The following CFAP95 variants were observed in gnomAD, a reference collection of about 807,000 sequenced individuals.
CFAP95 encodes the protein cilia and flagella associated protein 95.
the CFAP95 span, among the ~76,000 whole-genome samples, chr9:69,841,239 T>C: frequency 6.9e-6 from 1 of 144,958 alleles, no homozygotes; most frequent in Non-Finnish European, 1.5e-5. Flanking sequence ...TCTAGAAGTA[T>C]GGGCCCTGGG....
the CFAP95 span, among the ~76,000 whole-genome samples, chr9:69,884,853 G>A: frequency 8.2e-6 from 1 of 121,216 alleles, no homozygotes; most frequent in Non-Finnish European, 1.9e-5. Context: ...TATTAGATTT[G>A]TCTTTAAAAA....
chr9:69,894,915 T>C, the CFAP95 span, among the ~76,000 whole-genome samples: 1 of 151,746 alleles, frequency 6.6e-6, no homozygotes, highest in Non-Finnish European at 1.5e-5. Flanking sequence ...TACAAAAGAT[T>C]AGTTGGGCCT....
chr9:69,887,990 G>A, the CFAP95 span, among the ~76,000 whole-genome samples: 2 of 152,150 alleles, frequency 1.3e-5, no homozygotes, highest in African/African-American at 4.8e-5. Context: ...AGAAATTGAA[G>A]CCATTATCTG....
chr9:69,860,675 T>G, the CFAP95 span, among the ~76,000 whole-genome samples: 2 of 152,018 alleles, frequency 1.3e-5, no homozygotes, highest in African/African-American at 4.8e-5. Context: ...ATTGTATAGC[T>G]GTATAAAATA....
At chr9:69,870,724 T>C in the CFAP95 span, among the ~76,000 whole-genome samples, 1 of 152,226 alleles carries the variant, frequency 6.6e-6, no homozygotes. Context: ...GAATTTGGAA[T>C]AAGTGTTGAT....
the CFAP95 span, chr9:69,906,144 G>A: frequency 2.5e-6 from 4 of 1,587,460 alleles, no homozygotes; most frequent in African/African-American, 5.4e-5. Flanking sequence ...TAAAAATAAT[G>A]TATAGAATCA....
At chr9:69,829,216 T>A in the CFAP95 span, among the ~76,000 whole-genome samples, 2 of 152,150 alleles carry the variant, frequency 1.3e-5, no homozygotes, top group East Asian at 3.8e-4. Context: ...ATATAGTAGT[T>A]TTTTGGGGAA....
the CFAP95 span, among the ~76,000 whole-genome samples, chr9:69,881,785 C>T: frequency 2.0e-5 from 3 of 152,100 alleles, no homozygotes; most frequent in African/African-American, 7.2e-5. Flanking sequence ...ATTGAGTTTT[C>T]CAAGCCATGA....
the CFAP95 span, among the ~76,000 whole-genome samples, chr9:69,894,132 C>A: frequency 5.9e-5 from 9 of 152,158 alleles, no homozygotes; most frequent in Non-Finnish European, 1.3e-4. Flanking sequence ...TCTGAAAGAT[C>A]TCAACACATG....
At chr9:69,887,614 G>A in the CFAP95 span, among the ~76,000 whole-genome samples, 3 of 152,298 alleles carry the variant, frequency 2.0e-5, no homozygotes, top group South Asian at 4.1e-4. Flanking sequence ...TCTTTAGTGA[G>A]GAAAGTTTCA....
chr9:69,852,882 ACTCT>A, the CFAP95 span, among the ~76,000 whole-genome samples: 1 of 151,728 alleles, frequency 6.6e-6, no homozygotes. Flanking sequence ...GCACAAGCAC[ACTCT>A]CTCTCTTTGC....
chr9:69,839,770 C>G, the CFAP95 span, among the ~76,000 whole-genome samples: 1 of 151,632 alleles, frequency 6.6e-6, no homozygotes, highest in East Asian at 2.0e-4. Flanking sequence ...TGTACATATT[C>G]TGGATTAAGA....
At chr9:69,822,095 C>G in the CFAP95 span, among the ~76,000 whole-genome samples, 2 of 152,170 alleles carry the variant, frequency 1.3e-5, no homozygotes, top group African/African-American at 4.8e-5. Context: ...TAGGACTTTT[C>G]AAATTCTTTC....
At chr9:69,852,027 C>T in the CFAP95 span, among the ~76,000 whole-genome samples, 9 of 152,068 alleles carry the variant, frequency 5.9e-5, no homozygotes, top group Admixed American at 2.6e-4. Flanking sequence ...AGGCCTCTCT[C>T]GGATCCTTTA....
At chr9:69,900,019 C>T in the CFAP95 span, among the ~76,000 whole-genome samples, 1 of 152,148 alleles carries the variant, frequency 6.6e-6, no homozygotes. Flanking sequence ...GTTCAACTTA[C>T]AATTTTTTGA....
the CFAP95 span, among the ~76,000 whole-genome samples, chr9:69,825,934 A>G: frequency 2.0e-5 from 3 of 152,086 alleles, no homozygotes; most frequent in South Asian, 4.2e-4. Flanking sequence ...AATTTTATGT[A>G]TTTGTGATTT....
the CFAP95 span, among the ~76,000 whole-genome samples, chr9:69,876,862 T>A: frequency 6.6e-6 from 1 of 152,178 alleles, no homozygotes; most frequent in Non-Finnish European, 1.5e-5. Context: ...CTCAAACTCC[T>A]GACCTCAAGT....
chr9:69,870,675 T>A, the CFAP95 span, among the ~76,000 whole-genome samples: 1 of 152,242 alleles, frequency 6.6e-6, no homozygotes. Flanking sequence ...GCTACATGAT[T>A]GTTTTCAGCT....
chr9:69,842,413 C>A, the CFAP95 span, among the ~76,000 whole-genome samples: 2 of 152,148 alleles, frequency 1.3e-5, no homozygotes, highest in Non-Finnish European at 2.9e-5. Context: ...ACCAATATTC[C>A]GGTTTTTCCT....
Sources: gnomAD v4.1 joint callset for allele counts (sites outside exome capture counted in the v4.1 genomes callset) on GRCh38, gnomAD v4.1.1 for gene constraint, MANE v1.5 for transcripts, NCBI Gene and HGNC (gene_info 2026-07-23, HGNC 2026-07-21) for gene names.